Variants in ZNF717 observed in about 807,000 individuals in gnomAD.
ZNF717 encodes krueppel-like factor X17.
Under a neutral mutation model 13.8 loss-of-function variants are expected in ZNF717, and 9 were observed. The ratio of observed to expected loss-of-function variants is 0.65; its 90% CI spans 0.39 to 1.14. The LOEUF is 1.14. Ranked by LOEUF, ZNF717 falls within the 50% of genes most tolerant of loss-of-function variation. ZNF717 has a pLI of 0.01. For synonymous variants in ZNF717, 327 were observed against 364.1 expected (o/e 0.90, Z 1.16); for missense variants, 1,040 against 1,080.7 (o/e 0.96, Z 0.53).
downstream of ZNF717, chr3:75,732,060 C>G (rs1407966420): frequency 1.4e-6 from 1 of 702,912 alleles, no homozygotes; most frequent in East Asian, 2.7e-5. Flanking sequence ...TAAAATTTAC[C>G]TCCTGGAGCT....
At position 75,783,161 on chromosome 3, in the gene ZNF717, A is replaced by G. The variant is rs1157470885; in HGVS notation, c.57+145T>C. 1.1e-4 allele frequency: 71 copies of G among 671,224 alleles called. 3 individuals carry two copies. In the East Asian group the frequency reaches 2.0e-3, roughly 19 times the overall value. 41.6% of individuals were successfully genotyped at this position (671,224 alleles called of 1,614,324 possible). A position where few individuals can be genotyped will look rare whatever the true frequency, so the allele number is the denominator to read the frequency against. ...CTCTAAGCTCTTACAACCTGTCTAT[A>G]TCTACAGGTCAGCTTTATCTTATTT... On this transcript the variant is annotated intron_variant, in intron 2 of 4. Transcript: ENST00000652011.
chr3:75,765,011 A>ATGTGTG (rs1559661726), intron 2 of ZNF717, among the ~76,000 whole-genome samples: 8 of 18,758 alleles, frequency 4.3e-4, no homozygotes, highest in African/African-American at 1.2e-3. Context: ...ATATATATAT[A>ATGTGTG]TATATATATA....
At chr3:75,707,744 C>T (rs1452232729), downstream of ZNF717, among the ~76,000 whole-genome samples, 1 of 152,136 alleles carries the variant, frequency 6.6e-6, no homozygotes, top group Non-Finnish European at 1.5e-5. Context: ...TCGGGTCACT[C>T]CCACCCTAAT....
Position 75,736,666 on chromosome 3 carries a change from C to A in ZNF717, c.*212G>T, listed in dbSNP as rs1939265311. The A allele has an allele frequency of 7.3e-6, 4 of 548,692 alleles. No homozygotes were observed. Among genetic ancestry groups the A allele is most frequent in the African/African-American group, 5.7e-5 (3 of 52,984 alleles). 34.0% of individuals were successfully genotyped at this position (548,692 alleles called of 1,614,324 possible). A position where few individuals can be genotyped will look rare whatever the true frequency, so the allele number is the denominator to read the frequency against. On this transcript the variant is annotated 3_prime_UTR_variant, in exon 5 of 5. Coordinates refer to ENST00000652011, the MANE Select transcript of ZNF717 (RefSeq NM_001290208.3). Reference sequence around the variant, plus strand: ...CTGGCAGAGGTTGGTATATGAGCTTCTAGGAAAACAGCCATATCTGTGACA... The same window carrying A: ...CTGGCAGAGGTTGGTATATGAGCTTATAGGAAAACAGCCATATCTGTGACA...
downstream of ZNF717, chr3:75,732,123 T>C (rs1220686355): frequency 2.8e-6 from 2 of 702,820 alleles, no homozygotes; most frequent in African/African-American, 3.5e-5. Flanking sequence ...TGCTTCCACC[T>C]TTGGGAAGGA....
intron 2 of ZNF717, among the ~76,000 whole-genome samples, chr3:75,773,168 T>C (rs1351940639): frequency 6.6e-6 from 1 of 152,162 alleles, no homozygotes; most frequent in Non-Finnish European, 1.5e-5. Flanking sequence ...TTCTACCCCA[T>C]TGTTTCATTT....
chr3:75,700,695 A>G (rs1937676072), intron 6 of ZNF717, among the ~76,000 whole-genome samples: 1 of 152,310 alleles, frequency 6.6e-6, no homozygotes, highest in African/African-American at 2.4e-5. Flanking sequence ...AAAATAAGAC[A>G]GGTTTTGTAA....
intron 2 of ZNF717, among the ~76,000 whole-genome samples, chr3:75,779,451 C>T (rs1457751301): frequency 6.6e-6 from 1 of 151,622 alleles, no homozygotes; most frequent in Non-Finnish European, 1.5e-5. Context: ...AAACCGGAAC[C>T]CAAAACAAAG....
At chr3:75,734,305 A>T (rs62250096), downstream of ZNF717, among the ~76,000 whole-genome samples, 21 of 152,134 alleles carry the variant, frequency 1.4e-4, no homozygotes, top group Non-Finnish European at 1.9e-4. Context: ...TCCTAACCTC[A>T]TGATCCACCC....
At chr3:75,748,877 A>G (rs1173952742) in intron 2 of ZNF717, among the ~76,000 whole-genome samples, 1 of 152,176 alleles carries the variant, frequency 6.6e-6, no homozygotes, top group Non-Finnish European at 1.5e-5. Flanking sequence ...AGTGTATTCA[A>G]TTAGGAAAAG....
At chr3:75,701,489 T>G in intron 6 of ZNF717, among the ~76,000 whole-genome samples, 1 of 152,306 alleles carries the variant, frequency 6.6e-6, no homozygotes, top group African/African-American at 2.4e-5. Flanking sequence ...GCCAAGATGG[T>G]GAAACCCCGT....
At chr3:75,698,314 TAA>T (rs77390064) in intron 6 of ZNF717, among the ~76,000 whole-genome samples, 18,656 of 149,164 alleles carry the variant, frequency 0.13, no homozygotes, top group African/African-American at 0.16. Context: ...TTGTATAACC[TAA>T]AAAAAAAAGC....
intron 6 of ZNF717, among the ~76,000 whole-genome samples, chr3:75,697,724 A>T: frequency 6.6e-6 from 1 of 152,310 alleles, no homozygotes; most frequent in African/African-American, 2.4e-5. Context: ...TAAAATTGGC[A>T]CCAAGGAGTG....
chr3:75,762,560 T>A (rs1390497442), intron 2 of ZNF717, among the ~76,000 whole-genome samples: 1 of 151,530 alleles, frequency 6.6e-6, no homozygotes, highest in Non-Finnish European at 1.5e-5. Flanking sequence ...CGAAAGAAAC[T>A]AAACACAAAT....
At chr3:75,781,906 G>T (rs7652271) in intron 2 of ZNF717, among the ~76,000 whole-genome samples, 43,802 of 151,686 alleles carry the variant, frequency 0.29, 7,357 homozygotes, top group African/African-American at 0.48. Context: ...ACCATCTGTC[G>T]TTTTAACTTT....
chr3:75,770,538 C>A (rs1246968602), intron 2 of ZNF717, among the ~76,000 whole-genome samples: 1 of 151,810 alleles, frequency 6.6e-6, no homozygotes, highest in Non-Finnish European at 1.5e-5. Context: ...CCAGCATGGG[C>A]AACAAGAGCG....
downstream of ZNF717, among the ~76,000 whole-genome samples, chr3:75,706,852 C>G: frequency 6.6e-6 from 1 of 152,298 alleles, no homozygotes; most frequent in Admixed American, 6.5e-5. Flanking sequence ...CCTGTCTTCT[C>G]ATGATGGACA....
rs556581857 is a variant in ZNF717 at position 75,713,893 on chromosome 3, A to G, written n.667+2526T>C. Among the ~76,000 whole-genome samples, 839 of 152,220 alleles carry G rather than the reference A, an allele frequency of 5.5e-3. 3 individuals carry two copies. The highest frequency in any genetic ancestry group is 0.014 in the Middle Eastern group (4 of 292). ...GGGTAAGGAGTGTGAGCCATCTCCA[A>G]TGATAGGTAAGGTCACATGGGTCAT... is the stretch of plus-strand genomic sequence containing the variant. On this transcript the variant is annotated intron_variant and non_coding_transcript_variant, in intron 5 of 5. Transcript: ENST00000491507.
At chr3:75,731,447 C>G (rs11720990), downstream of ZNF717, among the ~76,000 whole-genome samples, 56,784 of 148,932 alleles carry the variant, frequency 0.38, 8,397 homozygotes, top group Non-Finnish European at 0.41. Context: ...GTAATCTCAG[C>G]TACTCAGGAG....
Sources: allele counts gnomAD v4.1 joint callset (sites outside exome capture counted in the v4.1 genomes callset), GRCh38; gene constraint gnomAD v4.1.1; transcripts MANE v1.5; gene names NCBI Gene and HGNC (gene_info 2026-07-23, HGNC 2026-07-21).